Variants in TBC1D5 observed in about 807,000 individuals in gnomAD.
TBC1D5 encodes the protein TBC1 domain family member 5.
TBC1D5 carries 75 observed loss-of-function variants against 100.3 expected under a neutral mutation model. That is an observed-to-expected ratio of 0.75 (90% CI 0.62 to 0.91). TBC1D5 has a LOEUF of 0.91. Ranked by LOEUF, TBC1D5 falls within the 40% of genes least tolerant of loss-of-function variation. The pLI, the probability that TBC1D5 is intolerant of heterozygous loss-of-function variation, is 0.00. For synonymous variants in TBC1D5, 323 were observed against 325.6 expected, an observed-to-expected ratio of 0.99 and a Z score of 0.09; for missense variants, 910 against 942.4, an observed-to-expected ratio of 0.97 and a Z score of 0.45.
intron 1 of TBC1D5, among the ~76,000 whole-genome samples, chr3:17,644,408 C>A (rs1577198559): frequency 6.6e-6 from 1 of 152,174 alleles, no homozygotes; most frequent in East Asian, 1.9e-4. Context: ...ACTATTTATT[C>A]CCAAGTATAT....
chr3:17,385,740 G>T (rs1429584344), intron 8 of TBC1D5, among the ~76,000 whole-genome samples: 1 of 151,510 alleles, frequency 6.6e-6, no homozygotes, highest in Non-Finnish European at 1.5e-5. Flanking sequence ...CCTCTTTTTG[G>T]GGGGCCAGTA....
chr3:17,476,190 G>A (rs1001099206), intron 3 of TBC1D5, among the ~76,000 whole-genome samples: 1 of 151,214 alleles, frequency 6.6e-6, no homozygotes, highest in Admixed American at 6.6e-5. Flanking sequence ...TTTTGATTTT[G>A]CAATAATTTA....
intron 1 of TBC1D5, among the ~76,000 whole-genome samples, chr3:17,636,431 C>T (rs1190962553): frequency 6.6e-6 from 1 of 151,986 alleles, no homozygotes; most frequent in African/African-American, 2.4e-5. Context: ...TATTATGCTG[C>T]CTTTCTGAGT....
chr3:17,715,236 A>G (rs928142724), intron 1 of TBC1D5, among the ~76,000 whole-genome samples: 6 of 152,304 alleles, frequency 3.9e-5, no homozygotes, highest in Middle Eastern at 3.4e-3. Flanking sequence ...TTACTTCCAT[A>G]ACACAGAACT....
chr3:17,193,071 T>C (rs888775814), intron 18 of TBC1D5, among the ~76,000 whole-genome samples: 6 of 152,252 alleles, frequency 3.9e-5, no homozygotes, highest in Non-Finnish European at 8.8e-5. Flanking sequence ...ATAAAACCTC[T>C]ACATTAAACA....
intron 15 of TBC1D5, among the ~76,000 whole-genome samples, chr3:17,263,768 A>G (rs992132266): frequency 6.6e-6 from 1 of 152,228 alleles, no homozygotes; most frequent in Non-Finnish European, 1.5e-5. Flanking sequence ...TATGCAAATA[A>G]CAAATCAAAA....
intron 1 of TBC1D5, among the ~76,000 whole-genome samples, chr3:17,642,599 C>T (rs942253201): frequency 2.0e-5 from 3 of 152,114 alleles, no homozygotes; most frequent in African/African-American, 7.2e-5. Context: ...CAATTAACAT[C>T]TCTTTAGAAA....
At chr3:17,613,294 A>G (rs903246947) in intron 2 of TBC1D5, among the ~76,000 whole-genome samples, 4 of 152,198 alleles carry the variant, frequency 2.6e-5, no homozygotes, top group South Asian at 2.1e-4. Flanking sequence ...ATTGATGGAC[A>G]TTTGGGTTGG....
At chr3:17,698,831 A>C (rs2072618877) in intron 1 of TBC1D5, among the ~76,000 whole-genome samples, 1 of 147,012 alleles carries the variant, frequency 6.8e-6, no homozygotes, top group African/African-American at 2.5e-5. Context: ...ATGCAAATCA[A>C]AACCACATGA....
chr3:17,379,676 C>G (rs2092854204), intron 9 of TBC1D5, among the ~76,000 whole-genome samples: 1 of 151,940 alleles, frequency 6.6e-6, no homozygotes, highest in African/African-American at 2.4e-5. Context: ...CTAAGACCTC[C>G]CAGTAGATGC....
At chr3:17,501,870 T>C (rs2095791441) in intron 3 of TBC1D5, among the ~76,000 whole-genome samples, 1 of 149,590 alleles carries the variant, frequency 6.7e-6, no homozygotes, top group African/African-American at 2.5e-5. Flanking sequence ...TATGTATGTC[T>C]TATCAACCCA....
At chr3:17,263,219 C>T (rs879416664) in intron 15 of TBC1D5, among the ~76,000 whole-genome samples, 5 of 150,848 alleles carry the variant, frequency 3.3e-5, no homozygotes, top group Admixed American at 6.6e-5. Context: ...GTAAGACAGC[C>T]GAGTATGGTG....
rs113002534 is a variant in TBC1D5 at position 17,710,766 on chromosome 3, C to T, written c.-101+28577G>A. ...AGGCTGGTGTGCAGTGGCGCAATCT[C>T]GGCTCACTGCAACTGCCATCTCCCA... On this transcript the variant is annotated intron_variant, in intron 1 of 21. Transcript: ENST00000253692. 9.0e-3 allele frequency among the ~76,000 whole-genome samples: 1,363 copies of T among 152,054 alleles called. 28 individuals are homozygous for T. Among genetic ancestry groups the T allele is most frequent in the African/African-American group, 0.031 (1,282 of 41,488 alleles).
intron 13 of TBC1D5, among the ~76,000 whole-genome samples, chr3:17,339,553 TA>T (rs2088517707): frequency 1.3e-5 from 2 of 152,256 alleles, no homozygotes; most frequent in Admixed American, 6.5e-5. Context: ...ACTTGACCAG[TA>T]ATAGCTGGTT....
chr3:17,652,352 G>C (rs983063641), intron 1 of TBC1D5, among the ~76,000 whole-genome samples: 18 of 151,980 alleles, frequency 1.2e-4, no homozygotes, highest in African/African-American at 4.3e-4. Flanking sequence ...ATTTATAAAG[G>C]AAGGCTCAAA....
At chr3:17,177,230 G>A (rs780985904) in intron 19 of TBC1D5, among the ~76,000 whole-genome samples, 2 of 152,196 alleles carry the variant, frequency 1.3e-5, no homozygotes, top group Admixed American at 6.5e-5. Context: ...AGTCTGTACT[G>A]AGGCCCTATT....
At chr3:17,254,558 G>A (rs966494163) in intron 16 of TBC1D5, among the ~76,000 whole-genome samples, 1 of 151,686 alleles carries the variant, frequency 6.6e-6, no homozygotes, top group African/African-American at 2.4e-5. Flanking sequence ...TATTTTTCCT[G>A]ACATACAAAA....
Position 17,161,228 on chromosome 3 carries a change from T to G in TBC1D5, c.2123A>C (p.Asp708Ala), listed in dbSNP as rs749702927. ...GATGAAGTCATCGGAATTCCCTCTA[T>G]CAGTGCACCCTGGCGTTTCTGAAGA... Residue 708 changes from aspartate (D) to alanine (A), a missense_variant, in exon 22 of 22, where the codon GAT becomes GCT. Coordinates refer to ENST00000253692, the Ensembl canonical transcript of TBC1D5. 6.7e-5 allele frequency: 108 copies of G among 1,613,616 alleles called. No individual in the cohort carries two copies. The East Asian group carries it at 2.4e-3, about 35-fold the overall frequency.
chr3:17,652,184 T>A (rs997055147), intron 1 of TBC1D5, among the ~76,000 whole-genome samples: 6 of 152,182 alleles, frequency 3.9e-5, no homozygotes, highest in African/African-American at 1.4e-4. Context: ...TTTATAGACC[T>A]GATCTAGTCC....
Sources: gnomAD v4.1 joint callset for allele counts (sites outside exome capture counted in the v4.1 genomes callset) on GRCh38, gnomAD v4.1.1 for gene constraint, MANE v1.5 for transcripts, NCBI Gene and HGNC (gene_info 2026-07-23, HGNC 2026-07-21) for gene names.